STRA8: variants seen among roughly 807,000 people sequenced by gnomAD.
STRA8 encodes stimulated by retinoic acid 8.
In STRA8, 18 loss-of-function variants were observed where a neutral mutation model predicts 37.1. The observed-to-expected ratio is 0.48, with a 90% CI of 0.34 to 0.72. The LOEUF (loss-of-function observed/expected upper bound fraction) is 0.72, where lower values mean the gene tolerates loss of function less well. Among genes scored for constraint, STRA8 ranks in the 30% least tolerant of loss-of-function variants. The pLI is 0.01. For synonymous variants in STRA8, 168 were observed against 162.9 expected, an observed-to-expected ratio of 1.03 and a Z score of -0.24; for missense variants, 357 against 410.4, an observed-to-expected ratio of 0.87 and a Z score of 1.13.
rs1433686844 is a variant in STRA8, at chr7:135,246,374, G to C, written c.594-43G>C. On this transcript the variant is annotated intron_variant, in intron 5 of 8. Coordinates refer to ENST00000662584, the MANE Select transcript of STRA8 (RefSeq NM_001394401.1). The surrounding 1 kb of genome is among the most constrained non-coding windows in gnomAD (Gnocchi z 5.4). Reference sequence around the variant, plus strand: ...TGAACCGAATCCCGAATCGCTTCGAGAGGGAGCTTTAGGGGTGCGAGACGG... The same window carrying C: ...TGAACCGAATCCCGAATCGCTTCGACAGGGAGCTTTAGGGGTGCGAGACGG... The C allele has an allele frequency of 3.2e-6, 5 of 1,573,290 alleles. No individual in the cohort carries two copies. Among genetic ancestry groups the C allele is most frequent in the Non-Finnish European group, 4.3e-6 (5 of 1,157,916 alleles).
chr7:135,232,637 T>C (rs1285925832), upstream of STRA8, among the ~76,000 whole-genome samples: 1 of 151,280 alleles, frequency 6.6e-6, no homozygotes, highest in African/African-American at 2.4e-5. Flanking sequence ...AAAAAAAAAA[T>C]GCTAGAAGGG....
chr7:135,241,629 C>T (rs1472370749), intron 2 of STRA8, among the ~76,000 whole-genome samples: 1 of 152,226 alleles, frequency 6.6e-6, no homozygotes, highest in East Asian at 1.9e-4. Context: ...TGCTCAGCTG[C>T]CCTGCTCCAT....
chr7:135,254,974 T>C (rs937701463), intron 7 of STRA8, 140 bp from the exon 8 acceptor site: 4 of 694,772 alleles, frequency 5.8e-6, no homozygotes, highest in African/African-American at 1.8e-5. Context: ...CACAAACCTT[T>C]CAAGGAGAGG....
In STRA8 at chr7:135,245,501, G is replaced by C. The variant is rs73446221; in HGVS notation, c.567G>C (p.Leu189Phe). The change falls in exon 5 of 9, where the codon TTG becomes TTC. Residue 189 changes from leucine to phenylalanine, a missense_variant. Physicochemically the swap from Leu to Phe is conservative, Grantham distance 22. Transcript: ENST00000662584. ...TGATCTTATACTCCCCAGGAACTTT[G>C]TCGCCTGACCTCATGGAATTTGAAC... is the stretch of plus-strand genomic sequence containing the variant. ...KKVILYSPGT[L>F]SPDLMEFERY... is the part of the protein sequence containing the mutation. Among the ~76,000 whole-genome samples, 2,849 of 152,240 alleles carry C rather than the reference G, an allele frequency of 0.019. 99 individuals carry two copies. The highest frequency in any genetic ancestry group is 0.064 in the African/African-American group (2,657 of 41,514).
intron 1 of STRA8, among the ~76,000 whole-genome samples, chr7:135,238,234 A>C (rs1832407838): frequency 1.3e-5 from 2 of 152,096 alleles, no homozygotes; most frequent in Non-Finnish European, 2.9e-5. Flanking sequence ...CCAGCTCCTG[A>C]CCAGGGGGCG....
intron 8 of STRA8, 118 bp from the exon 9 acceptor site, chr7:135,258,300 A>C: frequency 1.5e-5 from 11 of 725,394 alleles, no homozygotes; most frequent in South Asian, 2.0e-5. Context: ...ATGCAGCGGA[A>C]GAGACGTAGG....
chr7:135,246,349 T>G lies in STRA8; in HGVS notation c.594-68T>G, dbSNP rs933566647. 10 of 1,553,162 alleles carry G rather than the reference T, an allele frequency of 6.4e-6. No individual in the cohort carries two copies. The Admixed American group carries it at 9.7e-5, about 15-fold the overall frequency. ...GGCCTGCGTGCTGGGGTCCACACCA[T>G]GAACCGAATCCCGAATCGCTTCGAG... On this transcript the variant is annotated intron_variant, in intron 5 of 8. Coordinates refer to ENST00000662584, the MANE Select transcript of STRA8 (RefSeq NM_001394401.1). This position sits in a 1 kb window ranked among gnomAD's most constrained non-coding sequence, Gnocchi z 5.4.
At chr7:135,233,321 C>T (rs143971920), upstream of STRA8, among the ~76,000 whole-genome samples, 36 of 152,208 alleles carry the variant, frequency 2.4e-4, no homozygotes, top group Non-Finnish European at 4.1e-4. Context: ...ATGCTATTTC[C>T]CTTTCTCCCT....
chr7:135,236,237 A>T (rs1260996993), intron 1 of STRA8, among the ~76,000 whole-genome samples: 1 of 151,482 alleles, frequency 6.6e-6, no homozygotes, highest in Non-Finnish European at 1.5e-5. Context: ...CCTGGGCAAC[A>T]TAGTGAGACC....
At chr7:135,254,248 G>T (rs977428619) in intron 7 of STRA8, among the ~76,000 whole-genome samples, 2 of 152,144 alleles carry the variant, frequency 1.3e-5, no homozygotes, top group African/African-American at 4.8e-5. Flanking sequence ...AGAACTCCCT[G>T]CCCTGCTGAT....
upstream of STRA8, among the ~76,000 whole-genome samples, chr7:135,232,585 G>A (rs1040912650): frequency 1.3e-5 from 2 of 151,910 alleles, no homozygotes; most frequent in African/African-American, 2.4e-5. Flanking sequence ...CGAGGCTGCA[G>A]TGCACTCCAA....
At chr7:135,244,427 C>T (rs1386678577) in intron 4 of STRA8, among the ~76,000 whole-genome samples, 2 of 152,188 alleles carry the variant, frequency 1.3e-5, no homozygotes, top group African/African-American at 4.8e-5. Flanking sequence ...ATCCTGGGTG[C>T]AGGTCCTGAC....
chr7:135,238,599 A>G (rs1388472296), intron 1 of STRA8, among the ~76,000 whole-genome samples: 1 of 152,196 alleles, frequency 6.6e-6, no homozygotes, highest in East Asian at 1.9e-4. Flanking sequence ...ATCTCTGTTC[A>G]TCTAGAACAG....
chr7:135,248,904 CT>C (rs1462184918), intron 6 of STRA8, among the ~76,000 whole-genome samples: 1 of 152,174 alleles, frequency 6.6e-6, no homozygotes, highest in Non-Finnish European at 1.5e-5. Context: ...GGCTTCTGAT[CT>C]GGTTTTCCTC....
At chr7:135,238,888 T>C (rs1334081417) in intron 1 of STRA8, among the ~76,000 whole-genome samples, 2 of 152,132 alleles carry the variant, frequency 1.3e-5, no homozygotes, top group Non-Finnish European at 2.9e-5. Flanking sequence ...CCTCTGCAGA[T>C]TGGTGCTGTT....
chr7:135,252,013 A>AGTGGGT, intron 7 of STRA8, 144 bp downstream of exon 7: 1 of 503,870 alleles, frequency 2.0e-6, no homozygotes, highest in Non-Finnish European at 3.6e-6. Flanking sequence ...AGAGAGAGAG[A>AGTGGGT]GTGTGTGTGT....
intron 1 of STRA8, among the ~76,000 whole-genome samples, 185 bp downstream of exon 1, chr7:135,234,088 G>GATTATTATTATT (rs1491416343): frequency 6.7e-6 from 1 of 148,172 alleles, no homozygotes; most frequent in African/African-American, 2.5e-5. Context: ...GGATGATGAT[G>GATTATTATTATT]ATGATGATGA....
intron 7 of STRA8, among the ~76,000 whole-genome samples, chr7:135,254,017 C>A (rs1039070706): frequency 1.3e-5 from 2 of 152,148 alleles, no homozygotes; most frequent in African/African-American, 4.8e-5. Flanking sequence ...TCTCCCTGTT[C>A]CACCCAGGCC....
At chr7:135,258,222 T>A (rs1832728818) in intron 8 of STRA8, among the ~76,000 whole-genome samples, 196 bp from the exon 9 acceptor site, 1 of 146,976 alleles carries the variant, frequency 6.8e-6, no homozygotes, top group South Asian at 2.2e-4. Context: ...AATGCTGAGT[T>A]GAGTGAAATG....
Sources: gnomAD v4.1 joint callset for allele counts (sites outside exome capture counted in the v4.1 genomes callset) on GRCh38, gnomAD v4.1.1 for gene constraint, Gnocchi (gnomAD v3.1) non-coding constraint, MANE v1.5 for transcripts, NCBI Gene and HGNC (gene_info 2026-07-23, HGNC 2026-07-21) for gene names.